TBC1D22A: variants seen among roughly 807,000 people sequenced by gnomAD.
The protein encoded by TBC1D22A is TBC1 domain family member 22A, also known as putative GTPase activator.
In TBC1D22A, 38 loss-of-function variants were observed where a neutral mutation model predicts 60.2. The observed-to-expected ratio is 0.63, with a 90% confidence interval of 0.49 to 0.83. The LOEUF (loss-of-function observed/expected upper bound fraction) is 0.83. Ranked by LOEUF, TBC1D22A falls within the 40% of genes least tolerant of loss-of-function variation. The pLI, the probability that TBC1D22A is intolerant of heterozygous loss-of-function variation, is 0.00. For synonymous variants in TBC1D22A, 302 were observed against 281.7 expected (o/e 1.07, Z -0.72); for missense variants, 628 against 701.0 (o/e 0.90, Z 1.18).
chr22:46,983,191 G>A (rs918107616), intron 9 of TBC1D22A, among the ~76,000 whole-genome samples: 1 of 152,240 alleles, frequency 6.6e-6, no homozygotes, highest in African/African-American at 2.4e-5. Context: ...CATCTGGTCA[G>A]AGGTTTCCAC....
At chr22:46,820,096 C>T (rs115181908) in intron 4 of TBC1D22A, among the ~76,000 whole-genome samples, 2,140 of 152,142 alleles carry the variant, frequency 0.014, 49 homozygotes, top group African/African-American at 0.049. Flanking sequence ...TCCTTTATCA[C>T]TTTTTATCGT....
chr22:47,008,039 C>T (rs906942581), intron 10 of TBC1D22A, among the ~76,000 whole-genome samples: 1 of 152,168 alleles, frequency 6.6e-6, no homozygotes, highest in Admixed American at 6.5e-5. Context: ...TTCACATTTT[C>T]CAAATCAAAA....
intron 1 of TBC1D22A, among the ~76,000 whole-genome samples, chr22:46,782,015 C>T (rs1262762474): frequency 6.6e-6 from 1 of 152,224 alleles, no homozygotes; most frequent in African/African-American, 2.4e-5. Flanking sequence ...ATTTACGCTA[C>T]AAACTTGTCA....
intron 4 of TBC1D22A, among the ~76,000 whole-genome samples, chr22:46,827,105 G>C (rs2086102031): frequency 6.6e-6 from 1 of 152,056 alleles, no homozygotes; most frequent in South Asian, 2.1e-4. Flanking sequence ...TTATCTTCAC[G>C]ACCTATTTAT....
At chr22:46,784,268 T>C (rs1025860461) in intron 1 of TBC1D22A, among the ~76,000 whole-genome samples, 4 of 152,122 alleles carry the variant, frequency 2.6e-5, no homozygotes, top group Non-Finnish European at 4.4e-5. Context: ...AGTCTTGAAC[T>C]CCTGGTCTCA....
intron 4 of TBC1D22A, among the ~76,000 whole-genome samples, chr22:46,804,288 A>G (rs1056113212): frequency 6.6e-6 from 1 of 152,240 alleles, no homozygotes; most frequent in African/African-American, 2.4e-5. Flanking sequence ...TTGTCACTAA[A>G]GGGTTTCTGT....
rs2068612567 is a variant in TBC1D22A, at chr22:47,174,627, GGACCGGTTC to G, written c.*1002_*1010del. 1 of 151,538 alleles carries G rather than the reference GGACCGGTTC, an allele frequency of 6.6e-6. No individual in the cohort carries two copies. Among genetic ancestry groups the G allele is most frequent in the Non-Finnish European group, 1.5e-5 (1 of 67,846 alleles). 9.4% of individuals were successfully genotyped at this position (151,538 alleles called of 1,614,324 possible). A position where few individuals can be genotyped will look rare whatever the true frequency, so the allele number is the denominator to read the frequency against. ...TTCCATCATGGACCGGTTCCTCCAT[GGACCGGTTC>G]CTCCGTGGACCGGTTCCGCCATGGA... On this transcript the variant is annotated 3_prime_UTR_variant, in exon 13 of 13. Transcript: ENST00000337137.
intron 4 of TBC1D22A, among the ~76,000 whole-genome samples, chr22:46,818,012 T>C (rs887121068): frequency 3.3e-5 from 5 of 152,262 alleles, no homozygotes; most frequent in African/African-American, 1.2e-4. Flanking sequence ...TGATCAGTGA[T>C]GTTGAGCTTT....
intron 1 of TBC1D22A, among the ~76,000 whole-genome samples, chr22:46,786,385 C>G (rs907154577): frequency 6.6e-6 from 1 of 151,946 alleles, no homozygotes; most frequent in Non-Finnish European, 1.5e-5. Context: ...ATGCGTAATC[C>G]CTTTTTATGT....
At chr22:46,929,302 T>C (rs1446065050) in intron 8 of TBC1D22A, among the ~76,000 whole-genome samples, 1 of 152,238 alleles carries the variant, frequency 6.6e-6, no homozygotes, top group African/African-American at 2.4e-5. Flanking sequence ...GAGGCGTCAC[T>C]GAATCAATGG....
intron 7 of TBC1D22A, among the ~76,000 whole-genome samples, chr22:46,904,417 G>A (rs912867996): frequency 2.0e-5 from 3 of 152,010 alleles, no homozygotes; most frequent in Non-Finnish European, 4.4e-5. Flanking sequence ...ATCCGAGTGT[G>A]CTCTCAGCCG....
At chr22:47,057,796 G>C (rs1206778090) in intron 11 of TBC1D22A, among the ~76,000 whole-genome samples, 1 of 152,200 alleles carries the variant, frequency 6.6e-6, no homozygotes, top group Non-Finnish European at 1.5e-5. Context: ...AACACGTGGG[G>C]ATTATGGGAG....
intron 5 of TBC1D22A, among the ~76,000 whole-genome samples, chr22:46,890,307 C>T (rs1229543150): frequency 6.6e-6 from 1 of 152,098 alleles, no homozygotes; most frequent in Non-Finnish European, 1.5e-5. Context: ...CACTGCACTC[C>T]AGCCTGGGCG....
At chr22:46,900,890 G>A (rs945883947) in intron 7 of TBC1D22A, among the ~76,000 whole-genome samples, 2 of 152,178 alleles carry the variant, frequency 1.3e-5, no homozygotes, top group Admixed American at 6.5e-5. Context: ...CAAACATCCT[G>A]TTCTCACTGC....
At chr22:47,161,899 G>A (rs760240884) in intron 12 of TBC1D22A, among the ~76,000 whole-genome samples, 21 of 152,366 alleles carry the variant, frequency 1.4e-4, no homozygotes, top group Admixed American at 6.5e-4. Context: ...GTGAGCTGCC[G>A]GCGCTCTTGC....
intron 12 of TBC1D22A, among the ~76,000 whole-genome samples, chr22:47,147,436 A>T (rs1240458311): frequency 1.3e-5 from 2 of 152,170 alleles, no homozygotes; most frequent in Non-Finnish European, 2.9e-5. Flanking sequence ...CCGGCCTGGT[A>T]TATAGCATGT....
intron 10 of TBC1D22A, among the ~76,000 whole-genome samples, chr22:47,034,352 C>T (rs1859945358): frequency 1.3e-5 from 2 of 152,172 alleles, no homozygotes. Context: ...GAGGCGTTCC[C>T]AGTGCAGAGA....
intron 8 of TBC1D22A, chr22:46,915,520 C>T: frequency 2.2e-6 from 1 of 456,702 alleles, no homozygotes; most frequent in African/African-American, 2.0e-5. Flanking sequence ...TGGCACTAGC[C>T]CGGGTGTGGC....
At chr22:47,065,257 A>G (rs2063713356) in intron 11 of TBC1D22A, among the ~76,000 whole-genome samples, 1 of 152,230 alleles carries the variant, frequency 6.6e-6, no homozygotes, top group South Asian at 2.1e-4. Flanking sequence ...TGGCCTCCCA[A>G]AGTGCTGGGA....
Sources: allele counts gnomAD v4.1 joint callset (sites outside exome capture counted in the v4.1 genomes callset), GRCh38; gene constraint gnomAD v4.1.1; transcripts MANE v1.5; gene names NCBI Gene and HGNC (gene_info 2026-07-23, HGNC 2026-07-21).